FRMPD4: variants seen among roughly 807,000 people sequenced by gnomAD.
The protein encoded by FRMPD4 is FERM and PDZ domain-containing protein 4.
A neutral mutation model predicts 94.1 loss-of-function variants in FRMPD4; 22 were observed. The observed-to-expected ratio is 0.23, with a 90% CI of 0.17 to 0.33. FRMPD4 has a LOEUF of 0.33. Among genes scored for constraint, FRMPD4 ranks in the 10% least tolerant of loss-of-function variants. FRMPD4 has a pLI of 1.00. For missense variants in FRMPD4, 1,111 were observed against 1,339.9 expected, an observed-to-expected ratio of 0.83 and a Z score of 2.67; for synonymous variants, 631 against 548.6, an observed-to-expected ratio of 1.15 and a Z score of -2.10.
chrX:12,569,732 C>T (rs377001875), intron 2 of FRMPD4, among the ~76,000 whole-genome samples: 17 of 111,840 alleles, frequency 1.5e-4, no homozygotes, highest in East Asian at 8.4e-4. Context: ...AACAGCTGAG[C>T]GCTAGTAAAA....
chrX:11,823,790 A>G (rs946874856), intron 1 of FRMPD4, among the ~76,000 whole-genome samples: 5 of 112,088 alleles, frequency 4.5e-5, no homozygotes, highest in Non-Finnish European at 9.4e-5. Flanking sequence ...GTTTCTTTTC[A>G]ATCACATAAA....
intron 1 of FRMPD4, among the ~76,000 whole-genome samples, chrX:11,834,855 A>G (rs1289088846): frequency 8.9e-6 from 1 of 112,073 alleles, no homozygotes; most frequent in Non-Finnish European, 1.9e-5. Context: ...CCTATTATCC[A>G]TCTGCTTTTT....
At chrX:12,166,086 T>C (rs1372691031) in intron 1 of FRMPD4, among the ~76,000 whole-genome samples, 1 of 112,000 alleles carries the variant, frequency 8.9e-6, no homozygotes, top group East Asian at 2.8e-4. Flanking sequence ...TCCAACACTA[T>C]GTTGAATAGG....
chrX:12,131,869 G>A (rs1264429534), intron 3 of FRMPD4, among the ~76,000 whole-genome samples: 2 of 111,880 alleles, frequency 1.8e-5, no homozygotes, highest in African/African-American at 6.5e-5. Context: ...GTTATTTCCA[G>A]GTATAAAGGA....
At chrX:12,532,056 C>G (rs1387516347) in intron 2 of FRMPD4, among the ~76,000 whole-genome samples, 2 of 111,846 alleles carry the variant, frequency 1.8e-5, no homozygotes, top group Non-Finnish European at 3.8e-5. Flanking sequence ...TAATAACTTA[C>G]AGTGTTTGGA....
intron 1 of FRMPD4, among the ~76,000 whole-genome samples, chrX:12,243,132 T>C (rs1335245365): frequency 1.8e-5 from 2 of 112,281 alleles, no homozygotes; most frequent in Non-Finnish European, 3.8e-5. Context: ...TCCTCCAGCC[T>C]TGGTCTCTCA....
rs771747616 is a variant in FRMPD4, at chrX:11,963,620, C to A, written c.95+85602C>A. On this transcript the variant is annotated intron_variant, in intron 3 of 18. Coordinates refer to the FRMPD4 transcript ENST00000640291. The stretch of plus-strand genomic sequence containing the variant: ...TACCCAGCAAGTGAGATGAAACTGA[C>A]AAGAACTAATGCTTGAATATATTAA... Among the ~76,000 whole-genome samples the A allele has an allele frequency of 2.3e-4, 26 of 112,471 alleles. 1 individual carries two copies. In the South Asian group the frequency reaches 8.9e-3, roughly 38 times the overall value.
chrX:12,077,502 C>T (rs936142880), intron 3 of FRMPD4, among the ~76,000 whole-genome samples: 1 of 111,457 alleles, frequency 9.0e-6, no homozygotes, highest in Non-Finnish European at 1.9e-5. Flanking sequence ...TGATGAAACT[C>T]GTGCACCAGG....
intron 2 of FRMPD4, among the ~76,000 whole-genome samples, chrX:11,870,431 C>G (rs1414538550): frequency 8.9e-6 from 1 of 111,779 alleles, no homozygotes; most frequent in Non-Finnish European, 1.9e-5. Context: ...GGGGGATGAC[C>G]AGGAACCTTA....
intron 2 of FRMPD4, among the ~76,000 whole-genome samples, chrX:12,534,742 C>A (rs748601503): frequency 8.9e-6 from 1 of 112,606 alleles, no homozygotes; most frequent in East Asian, 2.8e-4. Flanking sequence ...CTATATTTAC[C>A]CAATGCCTGT....
chrX:12,189,524 G>T (rs1159275718), intron 1 of FRMPD4, among the ~76,000 whole-genome samples: 1 of 111,655 alleles, frequency 9.0e-6, no homozygotes, highest in Non-Finnish European at 1.9e-5. Flanking sequence ...TGAAATATTA[G>T]CAAATTGAAT....
chrX:12,679,195 A>T (rs113469637), intron 5 of FRMPD4, among the ~76,000 whole-genome samples: 3,031 of 112,468 alleles, frequency 0.027, 55 homozygotes, highest in African/African-American at 0.058. Flanking sequence ...GGAGCAGGCC[A>T]CAAGTGCTGA....
chrX:12,648,883 G>A (rs1446273029), intron 4 of FRMPD4, among the ~76,000 whole-genome samples: 6 of 112,251 alleles, frequency 5.3e-5, no homozygotes, highest in Non-Finnish European at 1.1e-4. Context: ...TACTCGCATT[G>A]GAGAAAGCCC....
At chrX:12,047,064 T>C (rs1028817113) in intron 3 of FRMPD4, among the ~76,000 whole-genome samples, 1 of 109,861 alleles carries the variant, frequency 9.1e-6, no homozygotes, top group Non-Finnish European at 1.9e-5. Context: ...TGGTTATGTA[T>C]AAATATTTAT....
At position 11,827,834 on chromosome X, in the gene FRMPD4, T is replaced by TA. The variant is rs754362270; in HGVS notation, c.-161+5126dup. On this transcript the variant is annotated intron_variant, in intron 1 of 18. Coordinates refer to the FRMPD4 transcript ENST00000640291. ...AATCAAATTTATACTTAGTTGCTAGTAAAAAAATTATAAGAGAGTGGCTTA... is the reference window on the plus strand; with the variant it reads ...AATCAAATTTATACTTAGTTGCTAGTAAAAAAAATTATAAGAGAGTGGCTTA... Among the ~76,000 whole-genome samples the TA allele has an allele frequency of 4.4e-3, 497 of 112,071 alleles. 6 individuals carry two copies. Among genetic ancestry groups the TA allele is most frequent in the African/African-American group, 0.015 (472 of 30,892 alleles).
At chrX:12,385,784 C>A (rs751770003) in intron 1 of FRMPD4, among the ~76,000 whole-genome samples, 3 of 112,202 alleles carry the variant, frequency 2.7e-5, no homozygotes, top group African/African-American at 9.7e-5. Flanking sequence ...TGTCACTGAG[C>A]AAAATGGTAG....
intron 3 of FRMPD4, among the ~76,000 whole-genome samples, chrX:12,030,293 G>A (rs2054684145): frequency 1.8e-5 from 2 of 111,902 alleles, no homozygotes; most frequent in Admixed American, 1.9e-4. Context: ...CACTCTATTA[G>A]CATTAACACC....
chrX:12,343,848 A>G (rs894216656), intron 1 of FRMPD4, among the ~76,000 whole-genome samples: 2 of 112,047 alleles, frequency 1.8e-5, no homozygotes, highest in African/African-American at 6.5e-5. Flanking sequence ...TACTAAGTTC[A>G]TGAACAAAAC....
At chrX:12,041,224 CTT>C (rs1311909034) in intron 3 of FRMPD4, among the ~76,000 whole-genome samples, 1 of 111,721 alleles carries the variant, frequency 9.0e-6, no homozygotes. Flanking sequence ...GATAAAATAT[CTT>C]TGAGTCTTTT....
Sources: gnomAD v4.1 joint callset for allele counts (sites outside exome capture counted in the v4.1 genomes callset) on GRCh38, gnomAD v4.1.1 for gene constraint, MANE v1.5 for transcripts, NCBI Gene and HGNC (gene_info 2026-07-23, HGNC 2026-07-21) for gene names.